The following ZBTB20 variants were observed in gnomAD, a reference collection of about 807,000 sequenced individuals.
The protein encoded by ZBTB20 is zinc finger and BTB domain containing 20, also known as zinc finger and BTB domain-containing protein 20.
In ZBTB20, 9 loss-of-function variants were observed where a neutral mutation model predicts 56.9. That is an observed-to-expected ratio of 0.16 (90% CI 0.10 to 0.28). ZBTB20 has a LOEUF of 0.28. Ranked by LOEUF, ZBTB20 falls within the 10% of genes least tolerant of loss-of-function variation. ZBTB20 has a pLI of 1.00. For missense variants in ZBTB20, 655 were observed against 1,003.0 expected (o/e 0.65, Z 4.69); for synonymous variants, 417 against 420.7 (o/e 0.99, Z 0.11).
intron 6 of ZBTB20, among the ~76,000 whole-genome samples, chr3:114,671,798 G>A (rs1325595082): frequency 6.6e-6 from 1 of 152,046 alleles, no homozygotes; most frequent in Non-Finnish European, 1.5e-5. Flanking sequence ...CCATACCTAA[G>A]GAGTACATGC....
chr3:114,882,958 C>T (rs997695675), intron 4 of ZBTB20, among the ~76,000 whole-genome samples: 1 of 152,082 alleles, frequency 6.6e-6, no homozygotes, highest in Non-Finnish European at 1.5e-5. Flanking sequence ...GTAAAGAGTA[C>T]TGCACTGTTA....
chr3:114,573,463 G>GAAAAAAAAA (rs1173999269), intron 6 of ZBTB20, among the ~76,000 whole-genome samples: 1 of 34,352 alleles, frequency 2.9e-5, no homozygotes, highest in Non-Finnish European at 6.3e-5. Flanking sequence ...CAACAAAAAA[G>GAAAAAAAAA]AAAAAAAAAA....
intron 5 of ZBTB20, among the ~76,000 whole-genome samples, chr3:114,735,737 A>G (rs147084398): frequency 5.4e-4 from 82 of 152,288 alleles, no homozygotes; most frequent in Admixed American, 9.8e-4. Context: ...TGTATAACTT[A>G]CAGATACATA....
chr3:114,750,886 G>A (rs548489465), intron 5 of ZBTB20, among the ~76,000 whole-genome samples: 1 of 152,198 alleles, frequency 6.6e-6, no homozygotes, highest in South Asian at 2.1e-4. Flanking sequence ...TGGTATTCCT[G>A]CTATTCATTT....
chr3:114,395,483 C>A (rs2086254951), intron 7 of ZBTB20, among the ~76,000 whole-genome samples: 1 of 152,072 alleles, frequency 6.6e-6, no homozygotes, highest in Non-Finnish European at 1.5e-5. Context: ...TTAAGTAGCT[C>A]ATCAACCTGT....
intron 5 of ZBTB20, among the ~76,000 whole-genome samples, chr3:114,696,310 T>A (rs1272157362): frequency 3.3e-5 from 5 of 152,052 alleles, no homozygotes; most frequent in Non-Finnish European, 7.4e-5. Flanking sequence ...TAAAGTATGA[T>A]CTTAAAGAAT....
At chr3:115,001,452 T>A (rs1279646054) in intron 2 of ZBTB20, among the ~76,000 whole-genome samples, 4 of 151,340 alleles carry the variant, frequency 2.6e-5, no homozygotes, top group African/African-American at 4.8e-5. Context: ...GAGCTTTTTT[T>A]AAATCACATA....
intron 3 of ZBTB20, among the ~76,000 whole-genome samples, chr3:114,928,893 C>A (rs2076254796): frequency 1.3e-5 from 2 of 152,146 alleles, no homozygotes; most frequent in African/African-American, 4.8e-5. Context: ...ATAAACAATA[C>A]AATGCTCTTT....
intron 3 of ZBTB20, among the ~76,000 whole-genome samples, chr3:114,953,435 G>A (rs542485687): frequency 4.6e-4 from 69 of 151,200 alleles, no homozygotes; most frequent in Non-Finnish European, 6.6e-4. Context: ...TTATCAGAAC[G>A]GATTTTTTTT....
intron 6 of ZBTB20, among the ~76,000 whole-genome samples, chr3:114,585,709 A>G (rs2055112827): frequency 6.6e-6 from 1 of 152,196 alleles, no homozygotes; most frequent in South Asian, 2.1e-4. Context: ...GTTTCTCCCC[A>G]GTGCTCTGCT....
At chr3:114,367,090 AG>A (rs950802109) in intron 10 of ZBTB20, 1 of 152,266 alleles carries the variant, frequency 6.6e-6, no homozygotes, top group African/African-American at 2.4e-5. Context: ...GCACATTCTA[AG>A]GATCTGATGT....
chr3:114,593,693 T>C (rs1288320430), intron 6 of ZBTB20, among the ~76,000 whole-genome samples: 1 of 152,136 alleles, frequency 6.6e-6, no homozygotes, highest in Non-Finnish European at 1.5e-5. Flanking sequence ...CTAGGAGATT[T>C]TGGAATAAAG....
rs890265460 is a variant in ZBTB20 at position 114,325,401 on chromosome 3, A to T, written c.*13604T>A. 6.6e-6 allele frequency: 1 copy of T among 151,936 alleles called. No homozygotes were observed. The highest frequency in any genetic ancestry group is 1.5e-5 in the Non-Finnish European group (1 of 68,006). 9.4% of individuals were successfully genotyped at this position (151,936 alleles called of 1,614,324 possible). A position where few individuals can be genotyped will look rare whatever the true frequency, so the allele number is the denominator to read the frequency against. Reference sequence around the variant, plus strand: ...TGAACTACAGGAAAATCTTATCTCAAATTTGAACTATTATTTTATTTTCAG... The same window carrying T: ...TGAACTACAGGAAAATCTTATCTCATATTTGAACTATTATTTTATTTTCAG... On this transcript the variant is annotated 3_prime_UTR_variant, in exon 12 of 12. Coordinates refer to ENST00000675478, the MANE Select transcript of ZBTB20 (RefSeq NM_001348800.3).
intron 3 of ZBTB20, among the ~76,000 whole-genome samples, chr3:114,919,051 T>C (rs1209844177): frequency 6.6e-6 from 1 of 152,194 alleles, no homozygotes; most frequent in East Asian, 1.9e-4. Context: ...ACCACTGGGA[T>C]GGACAATTTC....
At chr3:114,799,416 G>C (rs942479180) in intron 5 of ZBTB20, among the ~76,000 whole-genome samples, 1 of 151,812 alleles carries the variant, frequency 6.6e-6, no homozygotes, top group African/African-American at 2.4e-5. Flanking sequence ...TGGATACCTC[G>C]TATGATATGA....
At chr3:114,481,274 A>AAC (rs574468785) in intron 7 of ZBTB20, among the ~76,000 whole-genome samples, 10 of 151,528 alleles carry the variant, frequency 6.6e-5, no homozygotes, top group African/African-American at 1.9e-4. Context: ...TTAAAAAAAA[A>AAC]AAAAACCTCA....
chr3:115,046,742 C>A (rs2081347607), intron 2 of ZBTB20, among the ~76,000 whole-genome samples: 1 of 152,288 alleles, frequency 6.6e-6, no homozygotes, highest in Middle Eastern at 3.4e-3. Context: ...AAACCTCCCT[C>A]TCCTTGCTAT....
Position 114,727,660 on chromosome 3 carries a change from T to C in ZBTB20, c.-342-34085A>G, listed in dbSNP as rs566865435. Reference sequence around the variant, plus strand: ...TATCTCACAAGTCAGTACTTTATTTTTGATGGCAGACAAAAAACATGTTGT... The same window carrying C: ...TATCTCACAAGTCAGTACTTTATTTCTGATGGCAGACAAAAAACATGTTGT... On this transcript the variant is annotated intron_variant, in intron 5 of 11. Coordinates refer to ENST00000675478, the MANE Select transcript of ZBTB20 (RefSeq NM_001348800.3). 1.4e-3 allele frequency among the ~76,000 whole-genome samples: 209 copies of C among 152,332 alleles called. 1 individual carries two copies. Among genetic ancestry groups the C allele is most frequent in the South Asian group, 7.5e-3 (36 of 4,820 alleles).
At chr3:115,100,765 AT>A in intron 1 of ZBTB20, among the ~76,000 whole-genome samples, 1 of 152,324 alleles carries the variant, frequency 6.6e-6, no homozygotes, top group South Asian at 2.1e-4. Flanking sequence ...TGCATAGCTT[AT>A]TTGTGCAATC....
Sources: allele counts gnomAD v4.1 joint callset (sites outside exome capture counted in the v4.1 genomes callset), GRCh38; gene constraint gnomAD v4.1.1; transcripts MANE v1.5; gene names NCBI Gene and HGNC (gene_info 2026-07-23, HGNC 2026-07-21).